The following NYAP2 variants were observed in gnomAD, a reference collection of about 807,000 sequenced individuals.
NYAP2 encodes the protein neuronal tyrosine-phosphorylated phosphoinositide-3-kinase adaptor 2.
A neutral mutation model predicts 50.4 loss-of-function variants in NYAP2; 23 were observed. That is an observed-to-expected ratio of 0.46 (90% confidence interval 0.33 to 0.65). The LOEUF (loss-of-function observed/expected upper bound fraction) is 0.65. Ranked by LOEUF, NYAP2 falls within the 30% of genes least tolerant of loss-of-function variation. NYAP2 has a pLI of 0.02. For synonymous variants in NYAP2, 394 were observed against 365.2 expected, an observed-to-expected ratio of 1.08 and a Z score of -0.90; for missense variants, 885 against 861.0, an observed-to-expected ratio of 1.03 and a Z score of -0.35.
At chr2:225,458,474 A>G (rs1285002074) in intron 3 of NYAP2, among the ~76,000 whole-genome samples, 2 of 151,818 alleles carry the variant, frequency 1.3e-5, no homozygotes, top group South Asian at 4.2e-4. Flanking sequence ...AGAAAAAAAT[A>G]TCACTTAATG....
chr2:225,547,802 T>C (rs995733756), intron 4 of NYAP2, among the ~76,000 whole-genome samples: 2 of 152,176 alleles, frequency 1.3e-5, no homozygotes, highest in Non-Finnish European at 2.9e-5. Flanking sequence ...TTTTAGTTCT[T>C]ATGAAGGTGC....
chr2:225,518,555 T>C (rs67847694), intron 4 of NYAP2, among the ~76,000 whole-genome samples: 1 of 63,462 alleles, frequency 1.6e-5, no homozygotes, highest in Non-Finnish European at 2.9e-5. Flanking sequence ...TATATATATA[T>C]ATATATATAT....
chr2:225,674,995 T>C, the NYAP2 span, among the ~76,000 whole-genome samples: 1 of 152,250 alleles, frequency 6.6e-6, no homozygotes, highest in East Asian at 1.9e-4. Flanking sequence ...ATTCTTAATA[T>C]CTATAGTAAA....
At chr2:225,398,792 G>T (rs928140504), upstream of NYAP2, among the ~76,000 whole-genome samples, 1 of 151,960 alleles carries the variant, frequency 6.6e-6, no homozygotes, top group African/African-American at 2.4e-5. Context: ...CTAACCAAAA[G>T]CTAGATACAC....
At chr2:225,435,497 T>C (rs1259238382) in intron 3 of NYAP2, among the ~76,000 whole-genome samples, 1 of 152,210 alleles carries the variant, frequency 6.6e-6, no homozygotes, top group Non-Finnish European at 1.5e-5. Flanking sequence ...TAATTTGACT[T>C]GACTGGTCCA....
At chr2:225,584,830 A>G (rs1311662541) in intron 5 of NYAP2, among the ~76,000 whole-genome samples, 2 of 152,228 alleles carry the variant, frequency 1.3e-5, no homozygotes, top group African/African-American at 4.8e-5. Flanking sequence ...TTGCATATGT[A>G]CATACATACA....
chr2:225,663,217 T>A, the NYAP2 span, among the ~76,000 whole-genome samples: 1 of 151,836 alleles, frequency 6.6e-6, no homozygotes, highest in Admixed American at 6.6e-5. Context: ...TTGTGCTTTT[T>A]TTCTCTTGAA....
chr2:225,538,423 C>A (rs894228938), intron 4 of NYAP2, among the ~76,000 whole-genome samples: 1 of 152,246 alleles, frequency 6.6e-6, no homozygotes, highest in Admixed American at 6.5e-5. Context: ...CTGGCAGGCT[C>A]AACACCATGT....
chr2:225,655,236 C>T (rs1486864789), downstream of NYAP2, among the ~76,000 whole-genome samples: 1 of 152,160 alleles, frequency 6.6e-6, no homozygotes, highest in Non-Finnish European at 1.5e-5. Context: ...AGTATGAGTT[C>T]TAAAGCATTT....
chr2:225,518,498 CA>C (rs1157809372), intron 4 of NYAP2, among the ~76,000 whole-genome samples: 5 of 75,660 alleles, frequency 6.6e-5, no homozygotes, highest in African/African-American at 9.8e-5. Context: ...GTTCTCATTA[CA>C]AAAAAAAACA....
chr2:225,405,675 A>G (rs568475550), intron 2 of NYAP2, among the ~76,000 whole-genome samples: 1 of 152,108 alleles, frequency 6.6e-6, no homozygotes, highest in East Asian at 1.9e-4. Flanking sequence ...CTCATAGTTC[A>G]GTTGTCTGAG....
the NYAP2 span, among the ~76,000 whole-genome samples, chr2:225,691,681 G>T: frequency 6.6e-6 from 1 of 152,088 alleles, no homozygotes; most frequent in Non-Finnish European, 1.5e-5. Context: ...GACAGGACAA[G>T]CACAGTTGCA....
At chr2:225,660,621 A>G in the NYAP2 span, among the ~76,000 whole-genome samples, 2 of 152,166 alleles carry the variant, frequency 1.3e-5, no homozygotes, top group African/African-American at 4.8e-5. Context: ...GAAACACAGC[A>G]TAACACTAGG....
the NYAP2 span, among the ~76,000 whole-genome samples, chr2:225,674,584 A>G: frequency 6.6e-6 from 1 of 152,086 alleles, no homozygotes; most frequent in Non-Finnish European, 1.5e-5. Flanking sequence ...AGGGTGCAGG[A>G]AAACTGCCCT....
At chr2:225,594,106 AT>A (rs1416686853) in intron 5 of NYAP2, among the ~76,000 whole-genome samples, 1 of 152,232 alleles carries the variant, frequency 6.6e-6, no homozygotes, top group African/African-American at 2.4e-5. Context: ...GTGAAAATTG[AT>A]CTCTTTTCTA....
intron 5 of NYAP2, among the ~76,000 whole-genome samples, chr2:225,589,070 C>G (rs1412550167): frequency 6.6e-6 from 1 of 152,126 alleles, no homozygotes; most frequent in East Asian, 1.9e-4. Flanking sequence ...TCTCTTTTCA[C>G]TCTTTTCCTA....
At chr2:225,409,149 C>A (rs1204921972) in intron 3 of NYAP2, 48 bp downstream of exon 3, 5 of 1,345,950 alleles carry the variant, frequency 3.7e-6, no homozygotes, top group Non-Finnish European at 5.1e-6. Context: ...TGAGAAAGTC[C>A]ATGAGGGCTG....
Position 225,532,598 on chromosome 2 carries a change from T to C in NYAP2, c.523+18926T>C, listed in dbSNP as rs16866646. 4.0e-3 allele frequency among the ~76,000 whole-genome samples: 614 copies of C among 152,334 alleles called. 2 individuals carry two copies. Among genetic ancestry groups the C allele is most frequent in the African/African-American group, 0.014 (595 of 41,576 alleles). The stretch of plus-strand genomic sequence containing the variant: ...TGAAAACTAAGAATAAGAAGGAACT[T>C]AGAGAAGCCAAACTCCTTCTTCTTG... On this transcript the variant is annotated intron_variant, in intron 4 of 6. Transcript: ENST00000636099.
At chr2:225,461,295 T>A (rs1689827387) in intron 3 of NYAP2, among the ~76,000 whole-genome samples, 1 of 152,246 alleles carries the variant, frequency 6.6e-6, no homozygotes, top group Non-Finnish European at 1.5e-5. Context: ...TGTGTAGCAC[T>A]GAAATTGTCA....
Sources: gnomAD v4.1 joint callset for allele counts (sites outside exome capture counted in the v4.1 genomes callset) on GRCh38, gnomAD v4.1.1 for gene constraint, MANE v1.5 for transcripts, NCBI Gene and HGNC (gene_info 2026-07-23, HGNC 2026-07-21) for gene names.